The following FAM178B variants were observed in gnomAD, a reference collection of about 807,000 sequenced individuals.
FAM178B encodes the protein family with sequence similarity 178 member B, also known as protein FAM178B.
FAM178B carries 82 observed loss-of-function variants against 91.7 expected under a neutral mutation model. The ratio of observed to expected loss-of-function variants is 0.89; its 90% CI spans 0.75 to 1.07. FAM178B has a LOEUF of 1.07. Ranked by LOEUF, FAM178B falls within the 50% of genes least tolerant of loss-of-function variation. The pLI is 0.00. For synonymous variants in FAM178B, 368 were observed against 359.4 expected, an observed-to-expected ratio of 1.02 and a Z score of -0.27; for missense variants, 769 against 846.7, an observed-to-expected ratio of 0.91 and a Z score of 1.14.
At chr2:96,935,347 T>C (rs1217519350) in intron 8 of FAM178B, among the ~76,000 whole-genome samples, 1 of 152,180 alleles carries the variant, frequency 6.6e-6, no homozygotes, top group Non-Finnish European at 1.5e-5. Flanking sequence ...AGCATGTGCC[T>C]CTCATGCTCC....
chr2:96,895,054 CCAT>C, intron 13 of FAM178B: 1 of 1,289,342 alleles, frequency 7.8e-7, no homozygotes, highest in Non-Finnish European at 1.0e-6. Context: ...CCCCAACAGT[CCAT>C]CACCATGAGC....
intron 8 of FAM178B, among the ~76,000 whole-genome samples, chr2:96,940,856 A>G (rs1323065741): frequency 1.3e-5 from 2 of 152,172 alleles, no homozygotes; most frequent in Non-Finnish European, 2.9e-5. Flanking sequence ...TAAAACAGAA[A>G]TATGTATTAA....
intron 1 of FAM178B, among the ~76,000 whole-genome samples, chr2:96,983,441 A>G (rs2082386982): frequency 6.6e-6 from 1 of 151,980 alleles, no homozygotes; most frequent in Non-Finnish European, 1.5e-5. Flanking sequence ...TCATATATAT[A>G]TATTTTTGAG....
intron 6 of FAM178B, chr2:96,951,770 C>A: frequency 3.2e-6 from 1 of 309,126 alleles, no homozygotes; most frequent in Admixed American, 4.5e-5. Context: ...CGCCTGTAAT[C>A]CCAGCACTTT....
At chr2:96,915,319 T>C (rs545787415) in intron 12 of FAM178B, among the ~76,000 whole-genome samples, 4 of 151,560 alleles carry the variant, frequency 2.6e-5, no homozygotes, top group East Asian at 2.0e-4. Context: ...GGTTTCACCA[T>C]GTTGGCCAGG....
rs569161076 is a variant in FAM178B, at chr2:96,926,251, G to A, written c.1194-2668C>T. On this transcript the variant is annotated intron_variant, in intron 9 of 16. Transcript: ENST00000490605. ...CCGGAGGCGGAGGTTGCAGTGAGCC[G>A]AGATGGCATCACTGCACTCCAGCCT... Among the ~76,000 whole-genome samples the A allele has an allele frequency of 2.6e-4, 39 of 152,256 alleles. 1 individual carries two copies. Among genetic ancestry groups the A allele is most frequent in the Admixed American group, 5.9e-4 (9 of 15,290 alleles).
chr2:96,885,933 G>A (rs1424211357), intron 14 of FAM178B, among the ~76,000 whole-genome samples: 17 of 150,560 alleles, frequency 1.1e-4, no homozygotes, highest in Non-Finnish European at 2.2e-4. Flanking sequence ...AGTGGAGGGG[G>A]TCACTGACAC....
chr2:96,937,115 G>A (rs913650587), intron 8 of FAM178B, among the ~76,000 whole-genome samples: 1 of 101,084 alleles, frequency 9.9e-6, no homozygotes, highest in Non-Finnish European at 1.8e-5. Flanking sequence ...GACTGGTATG[G>A]AACTCCTGAG....
Position 96,967,610 on chromosome 2 carries a change from T to C in FAM178B, c.644A>G (p.Gln215Arg). ...LQEKREQALE[Q>R]ERERLLLQEC... Reference sequence around the variant, plus strand: ...CTGCAGAAGCAGCCTCTCTCGCTCCTGCTCCAGGGCCTGTTCCCTATAGGA... The same window carrying C: ...CTGCAGAAGCAGCCTCTCTCGCTCCCGCTCCAGGGCCTGTTCCCTATAGGA... The change falls in exon 5 of 17, where the codon CAG becomes CGG. Residue 215 changes from glutamine to arginine, a missense_variant. Physicochemically the swap from Gln to Arg is conservative, Grantham distance 43. Coordinates refer to ENST00000490605, the MANE Select transcript of FAM178B (RefSeq NM_001122646.3). 6 of 1,549,790 alleles carry C rather than the reference T, an allele frequency of 3.9e-6. 1 individual carries two copies. The highest frequency in any genetic ancestry group is 1.7e-4 in the Middle Eastern group (1 of 5,992).
intron 8 of FAM178B, among the ~76,000 whole-genome samples, chr2:96,944,340 C>T (rs576851640): frequency 2.3e-4 from 35 of 152,122 alleles, no homozygotes; most frequent in African/African-American, 8.4e-4. Context: ...CAGACATAGC[C>T]GTGATGTTCA....
intron 14 of FAM178B, among the ~76,000 whole-genome samples, chr2:96,885,745 G>A (rs1460028637): frequency 1.3e-5 from 2 of 152,136 alleles, no homozygotes; most frequent in African/African-American, 4.8e-5. Flanking sequence ...GATTGGCGGG[G>A]TCTTCCTGCT....
At chr2:96,941,127 T>C (rs1424276912) in intron 8 of FAM178B, among the ~76,000 whole-genome samples, 1 of 152,238 alleles carries the variant, frequency 6.6e-6, no homozygotes, top group East Asian at 1.9e-4. Flanking sequence ...TGTATTCATT[T>C]TGTGCCGGGA....
chr2:96,977,893 G>A, intron 1 of FAM178B: 1 of 444,028 alleles, frequency 2.3e-6, no homozygotes, highest in South Asian at 1.6e-5. Context: ...CGAAGCCCAG[G>A]GCACTCTGCA....
intron 8 of FAM178B, among the ~76,000 whole-genome samples, chr2:96,941,120 A>G (rs1011300937): frequency 1.3e-5 from 2 of 152,264 alleles, no homozygotes; most frequent in African/African-American, 4.8e-5. Flanking sequence ...TGTATTGTGT[A>G]TTCATTTTGT....
chr2:96,900,103 G>A (rs932760403), intron 13 of FAM178B, among the ~76,000 whole-genome samples: 4 of 152,006 alleles, frequency 2.6e-5, no homozygotes, highest in Non-Finnish European at 4.4e-5. Context: ...GCCTTGAACT[G>A]GCTCTAACTC....
intron 5 of FAM178B, among the ~76,000 whole-genome samples, chr2:96,965,985 T>C (rs1263806276): frequency 6.6e-6 from 1 of 151,992 alleles, no homozygotes; most frequent in Admixed American, 6.6e-5. Context: ...CAAGGCCTCC[T>C]CTGCTCCTGG....
chr2:96,929,366 G>A (rs1417102173), intron 8 of FAM178B, 46 bp from the exon 9 acceptor site: 1 of 1,389,694 alleles, frequency 7.2e-7, no homozygotes, highest in East Asian at 2.5e-5. Flanking sequence ...GGAACGGAGG[G>A]CAGGGTGCAC....
chr2:96,949,064 A>G (rs911573836), intron 7 of FAM178B, among the ~76,000 whole-genome samples: 1 of 152,122 alleles, frequency 6.6e-6, no homozygotes, highest in Non-Finnish European at 1.5e-5. Flanking sequence ...CTCTCCCAAC[A>G]AGAACATACA....
intron 14 of FAM178B, among the ~76,000 whole-genome samples, chr2:96,888,791 A>C (rs1165482877): frequency 6.6e-6 from 1 of 152,204 alleles, no homozygotes; most frequent in Admixed American, 6.5e-5. Flanking sequence ...TCTGCAGAAC[A>C]TGAGCAGAGC....
Sources: gnomAD v4.1 joint callset for allele counts (sites outside exome capture counted in the v4.1 genomes callset) on GRCh38, gnomAD v4.1.1 for gene constraint, MANE v1.5 for transcripts, NCBI Gene and HGNC (gene_info 2026-07-23, HGNC 2026-07-21) for gene names.